Variants in SSTR3 observed in about 807,000 individuals in gnomAD.
SSTR3 encodes the protein somatostatin receptor 3.
For synonymous variants in SSTR3, 281 were observed against 269.2 expected (o/e 1.04, Z -0.43); for missense variants, 504 against 604.7 (o/e 0.83, Z 1.75).
chr22:37,206,521 G>T lies in SSTR3; in HGVS notation c.*26C>A, dbSNP rs376759071. The T allele has an allele frequency of 1.5e-5, 24 of 1,572,552 alleles. No individual in the cohort carries two copies. In the African/African-American group the frequency reaches 2.7e-4, roughly 18 times the overall value. On this transcript the variant is annotated 3_prime_UTR_variant, in exon 2 of 2. Coordinates refer to ENST00000610913, the MANE Select transcript of SSTR3 (RefSeq NM_001051.5). Reference sequence around the variant, plus strand: ...CACCCACGGCTTCTGCCTCTTCCTCGGGCCATCCTGGCTTTCCCCAGGCCC... The same window carrying T: ...CACCCACGGCTTCTGCCTCTTCCTCTGGCCATCCTGGCTTTCCCCAGGCCC...
At chr22:37,216,299 A>C (rs1926442886), upstream of SSTR3, among the ~76,000 whole-genome samples, 1 of 149,632 alleles carries the variant, frequency 6.7e-6, no homozygotes, top group South Asian at 2.1e-4. Flanking sequence ...TTAATCCCTC[A>C]ATTTTACCCA....
chr22:37,216,541 T>C (rs894521296), upstream of SSTR3, among the ~76,000 whole-genome samples: 1 of 152,254 alleles, frequency 6.6e-6, no homozygotes, highest in African/African-American at 2.4e-5. Flanking sequence ...CACGTTCCTA[T>C]AGCTTCGTAA....
Position 37,207,548 on chromosome 22 carries a change from G to C in SSTR3, c.256C>G (p.Leu86Val), listed in dbSNP as rs375736845. ...PSVTNVYILN[L>V]ALADELFMLG... The stretch of plus-strand genomic sequence containing the variant: ...ATGAAGAGCTCGTCGGCCAGCGCCA[G>C]GTTGAGGATGTAGACGTTGGTGACT... Residue 86 changes from leucine (L) to valine (V), a missense_variant, in exon 2 of 2, where the codon CTG (leucine) becomes GTG (valine). Coordinates refer to ENST00000610913, the MANE Select transcript of SSTR3 (RefSeq NM_001051.5). The C allele has an allele frequency of 1.3e-4, 207 of 1,613,602 alleles. No individual in the cohort carries two copies. Among genetic ancestry groups the C allele is most frequent in the Non-Finnish European group, 1.6e-4 (190 of 1,179,996 alleles).
the SSTR3 span, among the ~76,000 whole-genome samples, chr22:37,220,161 A>G: frequency 2.6e-5 from 4 of 152,180 alleles, no homozygotes; most frequent in African/African-American, 9.7e-5. Flanking sequence ...AGGCACCAAG[A>G]GAGAAGCAGG....
upstream of SSTR3, among the ~76,000 whole-genome samples, chr22:37,212,901 G>T (rs1926279068): frequency 6.6e-6 from 1 of 152,196 alleles, no homozygotes; most frequent in South Asian, 2.1e-4. Flanking sequence ...GGCAGGGTGA[G>T]GAGTGGAAGG....
At chr22:37,207,913 A>C (rs1925951637) in intron 1 of SSTR3, 74 bp from the exon 2 acceptor site, 1 of 1,362,868 alleles carries the variant, frequency 7.3e-7, no homozygotes, top group Non-Finnish European at 9.4e-7. Context: ...ATCATGCCGA[A>C]CCTGGGGACC....
chr22:37,208,311 G>A (rs1049906873), intron 1 of SSTR3, among the ~76,000 whole-genome samples: 13 of 152,308 alleles, frequency 8.5e-5, no homozygotes, highest in Admixed American at 3.9e-4. Context: ...ATCCATGAAC[G>A]CCCTAAACTC....
At position 37,212,198 on chromosome 22, in the gene SSTR3, G is replaced by A. The variant is rs1926231589; in HGVS notation, c.-410C>T. The A allele has an allele frequency of 1.0e-6, 1 of 976,310 alleles. No homozygotes were observed. Among genetic ancestry groups the A allele is most frequent in the Non-Finnish European group, 1.2e-6 (1 of 823,038 alleles). 60.5% of individuals were successfully genotyped at this position (976,310 alleles called of 1,614,324 possible). A position where few individuals can be genotyped will look rare whatever the true frequency, so the allele number is the denominator to read the frequency against. On this transcript the variant is annotated 5_prime_UTR_variant, in exon 1 of 2. Transcript: ENST00000610913. ...AAATAGAGGGGAAAGGGGGTCGGGA[G>A]GAGGTGGAGAAAGAGAGAGAGAGAG... is the stretch of plus-strand genomic sequence containing the variant.
rs530996879 is a variant in SSTR3, at chr22:37,210,980, C to G, written c.-37+845G>C. On this transcript the variant is annotated intron_variant, in intron 1 of 1. Coordinates refer to ENST00000610913, the MANE Select transcript of SSTR3 (RefSeq NM_001051.5). ...CCTCAGACTCACATCATGAGATCCTCAAGAAGCCCAAGAGGGAGAGTTTTT... is the reference window on the plus strand; with the variant it reads ...CCTCAGACTCACATCATGAGATCCTGAAGAAGCCCAAGAGGGAGAGTTTTT... 1.9e-5 allele frequency: 19 copies of G among 985,450 alleles called. 1 individual carries two copies. In the East Asian group the frequency reaches 3.4e-4, roughly 18 times the overall value. The allele number at this position is 985,450 out of a possible 1,614,324, so 61.0% of individuals were successfully genotyped here.
chr22:37,214,978 G>T (rs1178861740), upstream of SSTR3, among the ~76,000 whole-genome samples: 4 of 152,092 alleles, frequency 2.6e-5, no homozygotes, highest in African/African-American at 9.7e-5. Context: ...CCCTGCTCTG[G>T]CAGCCTTCTC....
upstream of SSTR3, among the ~76,000 whole-genome samples, chr22:37,214,527 G>A (rs58454774): frequency 9.8e-3 from 1,499 of 152,262 alleles, 24 homozygotes; most frequent in African/African-American, 0.034. Context: ...GGGAGGCGGG[G>A]GGGCTCCCTT....
In SSTR3 at chr22:37,207,845, G is replaced by A; in HGVS notation, c.-36-6C>T. On this transcript the variant is annotated splice_polypyrimidine_tract_variant and splice_region_variant and intron_variant, in intron 1 of 1. Transcript: ENST00000610913. Reference sequence around the variant, plus strand: ...GTCAGCAGTCAGCTATTTGCCTGGGGGAAGGAAAAACAGCTCGGTCACAGC... The same window carrying A: ...GTCAGCAGTCAGCTATTTGCCTGGGAGAAGGAAAAACAGCTCGGTCACAGC... 6.8e-7 allele frequency: 1 copy of A among 1,478,950 alleles called. No homozygotes were observed. Among genetic ancestry groups the A allele is most frequent in the South Asian group, 1.4e-5 (1 of 69,808 alleles). The allele number at this position is 1,478,950 out of a possible 1,614,324, so 91.6% of individuals were successfully genotyped here. A position where few individuals can be genotyped will look rare whatever the true frequency, so the allele number is the denominator to read the frequency against.
upstream of SSTR3, among the ~76,000 whole-genome samples, chr22:37,216,390 A>G (rs1569084121): frequency 6.6e-6 from 1 of 152,246 alleles, no homozygotes; most frequent in African/African-American, 2.4e-5. Context: ...TCTTCTCAAT[A>G]TGAGTTTCGG....
chr22:37,206,545 C>T lies in SSTR3; in HGVS notation c.*2G>A, dbSNP rs1196531925. ...CGGGCCATCCTGGCTTTCCCCAGGC[C>T]CCTACAGGTAGCTGATGCGCATCGT... On this transcript the variant is annotated 3_prime_UTR_variant, in exon 2 of 2. Transcript: ENST00000610913. 6.3e-7 allele frequency: 1 copy of T among 1,599,784 alleles called. No homozygotes were observed. The highest frequency in any genetic ancestry group is 1.3e-5 in the African/African-American group (1 of 74,772).
At chr22:37,208,678 A>G (rs1051523922) in intron 1 of SSTR3, among the ~76,000 whole-genome samples, 1 of 151,982 alleles carries the variant, frequency 6.6e-6, no homozygotes. Context: ...GCCCCCCCGC[A>G]CTCCAGGTGC....
Position 37,207,661 on chromosome 22 carries a change from G to C in SSTR3, c.143C>G (p.Pro48Arg). The C allele has an allele frequency of 6.3e-7, 1 of 1,586,346 alleles. No homozygotes were observed. Among genetic ancestry groups the C allele is most frequent in the South Asian group, 1.1e-5 (1 of 87,974 alleles). Residue 48 changes from proline to arginine, a missense_variant, in exon 2 of 2, where the codon CCC (proline) becomes CGC (arginine). Transcript: ENST00000610913. ...AGLAVSGVLI[P>R]LVYLVVCVVG... ...CACGCACACCACCAGGTAGACCAGG[G>C]GGATCAGAACGCCACTGACGGCCAG... is the stretch of plus-strand genomic sequence containing the variant.
intron 1 of SSTR3, 149 bp downstream of exon 1, chr22:37,211,676 G>A (rs1263814746): frequency 1.6e-5 from 13 of 807,936 alleles, no homozygotes; most frequent in Admixed American, 1.2e-4. Context: ...GCAGCCGACC[G>A]GGAGGTCACA....
At chr22:37,209,088 A>G (rs948355166) in intron 1 of SSTR3, among the ~76,000 whole-genome samples, 82 of 152,198 alleles carry the variant, frequency 5.4e-4, no homozygotes, top group African/African-American at 1.7e-3. Flanking sequence ...AAAACCCTGA[A>G]GGGAAGATAA....
chr22:37,209,436 G>A (rs1270334718), intron 1 of SSTR3, among the ~76,000 whole-genome samples: 1 of 152,182 alleles, frequency 6.6e-6, no homozygotes, highest in East Asian at 1.9e-4. Context: ...TTCTGAGCCT[G>A]GGTCATCCCC....
Sources: allele counts gnomAD v4.1 joint callset (sites outside exome capture counted in the v4.1 genomes callset), GRCh38; gene constraint gnomAD v4.1.1; transcripts MANE v1.5; gene names NCBI Gene and HGNC (gene_info 2026-07-23, HGNC 2026-07-21).